The following CNTN4 variants were observed in gnomAD, a reference collection of about 807,000 sequenced individuals.
The protein encoded by CNTN4 is contactin-4.
CNTN4 carries 77 observed loss-of-function variants against 122.5 expected under a neutral mutation model. The observed-to-expected ratio is 0.63, with a 90% CI of 0.52 to 0.76. The LOEUF is 0.76. Ranked by LOEUF, CNTN4 falls within the 30% of genes least tolerant of loss-of-function variation. CNTN4 has a pLI of 0.00. For missense variants in CNTN4, 1,256 were observed against 1,259.1 expected (o/e 1.00, Z 0.04); for synonymous variants, 512 against 447.0 (o/e 1.15, Z -1.83).
chr3:2,863,444 CTTTTTTTTTTT>C (rs5846228), intron 7 of CNTN4, among the ~76,000 whole-genome samples: 2 of 92,368 alleles, frequency 2.2e-5, no homozygotes, highest in Non-Finnish European at 4.1e-5. Context: ...ATGGTTTCTT[CTTTTTTTTTTT>C]TTTTTTTTTC....
chr3:2,694,620 C>T (rs2085921625), intron 4 of CNTN4, among the ~76,000 whole-genome samples: 1 of 152,154 alleles, frequency 6.6e-6, no homozygotes, highest in Admixed American at 6.5e-5. Flanking sequence ...ATCCCAGCTA[C>T]TTAGGAGGCG....
At chr3:3,025,851 C>T (rs1018007104) in intron 14 of CNTN4, among the ~76,000 whole-genome samples, 3 of 152,164 alleles carry the variant, frequency 2.0e-5, no homozygotes, top group Non-Finnish European at 4.4e-5. Flanking sequence ...ATCTCACCTC[C>T]ATGCTCCCTG....
chr3:2,201,717 C>T (rs185159912), intron 2 of CNTN4, among the ~76,000 whole-genome samples: 3 of 152,238 alleles, frequency 2.0e-5, no homozygotes, highest in African/African-American at 7.2e-5. Flanking sequence ...GAGAATCCTT[C>T]AGCTGGCATG....
At chr3:2,102,685 G>A (rs552929834) in intron 2 of CNTN4, among the ~76,000 whole-genome samples, 2 of 152,198 alleles carry the variant, frequency 1.3e-5, no homozygotes, top group Non-Finnish European at 1.5e-5. Flanking sequence ...GATGTTAATT[G>A]CCCAGAACTG....
chr3:2,396,245 A>G (rs1328436931), intron 3 of CNTN4, among the ~76,000 whole-genome samples: 1 of 152,056 alleles, frequency 6.6e-6, no homozygotes, highest in East Asian at 1.9e-4. Flanking sequence ...GGCTTGTCTC[A>G]AACTCCTGGG....
chr3:2,195,380 A>G (rs964679695), intron 2 of CNTN4, among the ~76,000 whole-genome samples: 1 of 152,236 alleles, frequency 6.6e-6, no homozygotes, highest in Admixed American at 6.5e-5. Context: ...GCTTCAATGA[A>G]CACGGGAGTG....
intron 3 of CNTN4, among the ~76,000 whole-genome samples, chr3:2,528,563 C>A (rs149253851): frequency 0.028 from 4,272 of 152,218 alleles, 80 homozygotes; most frequent in South Asian, 0.046. Flanking sequence ...GATTGTACTA[C>A]TTTACTGACC....
intron 3 of CNTN4, among the ~76,000 whole-genome samples, chr3:2,345,785 G>A (rs1268719898): frequency 6.6e-6 from 1 of 152,172 alleles, no homozygotes; most frequent in Non-Finnish European, 1.5e-5. Flanking sequence ...CTAATTTATT[G>A]TGTGACCCTC....
At chr3:2,846,269 G>A (rs1416602668) in intron 7 of CNTN4, among the ~76,000 whole-genome samples, 9 of 152,130 alleles carry the variant, frequency 5.9e-5, no homozygotes, top group South Asian at 2.1e-4. Context: ...AATCATAGGG[G>A]CAGTTACTCT....
In CNTN4 at chr3:2,163,744, A is replaced by C. The variant is rs918337545; in HGVS notation, c.-145+63105A>C. Among the ~76,000 whole-genome samples the C allele has an allele frequency of 3.9e-5, 6 of 152,230 alleles. No homozygotes were observed. In the South Asian group the frequency reaches 1.2e-3, roughly 32 times the overall value. On this transcript the variant is annotated intron_variant, in intron 2 of 24. Transcript: ENST00000418658. Reference sequence around the variant, plus strand: ...AAACAGCCAATAAACATATGAAAAAATGCTTCACATCACTAGTTATCAGGG... The same window carrying C: ...AAACAGCCAATAAACATATGAAAAACTGCTTCACATCACTAGTTATCAGGG...
intron 2 of CNTN4, among the ~76,000 whole-genome samples, chr3:2,150,513 C>T (rs1035194561): frequency 1.8e-4 from 28 of 152,112 alleles, no homozygotes; most frequent in African/African-American, 4.3e-4. Context: ...TCTATTTCTA[C>T]GGGACAAGCT....
chr3:2,368,741 C>T lies in CNTN4; in HGVS notation c.-89+29508C>T, dbSNP rs1328255757. ...ATTAGGAGATCATTATTGCAGTGTT[C>T]AAGTGTATGGTTATGACTACAAAGC... On this transcript the variant is annotated intron_variant, in intron 3 of 24. Transcript: ENST00000418658. Among the ~76,000 whole-genome samples the T allele has an allele frequency of 3.9e-5, 6 of 152,090 alleles. No individual in the cohort carries two copies. In the South Asian group the frequency reaches 1.0e-3, roughly 26 times the overall value.
intron 2 of CNTN4, among the ~76,000 whole-genome samples, chr3:2,232,549 C>T (rs962810398): frequency 6.6e-6 from 1 of 152,076 alleles, no homozygotes; most frequent in African/African-American, 2.4e-5. Flanking sequence ...CAATAACAGG[C>T]TGTCTAAAAA....
chr3:2,504,340 T>C (rs1368828437), intron 3 of CNTN4, among the ~76,000 whole-genome samples: 1 of 152,288 alleles, frequency 6.6e-6, no homozygotes, highest in East Asian at 1.9e-4. Flanking sequence ...CTGGATCATA[T>C]AGCTTTTGTG....
At chr3:2,402,048 A>G (rs1250181096) in intron 3 of CNTN4, among the ~76,000 whole-genome samples, 3 of 152,048 alleles carry the variant, frequency 2.0e-5, no homozygotes, top group Non-Finnish European at 2.9e-5. Context: ...TATGACATGT[A>G]CTCTGCTACA....
intron 14 of CNTN4, among the ~76,000 whole-genome samples, chr3:2,992,243 A>T (rs913961586): frequency 6.6e-6 from 1 of 152,206 alleles, no homozygotes; most frequent in Admixed American, 6.5e-5. Context: ...ACAGGTGCCC[A>T]GGGGGCTCTT....
Position 3,057,890 on chromosome 3 carries a change from A to G in CNTN4, c.*1670A>G, listed in dbSNP as rs1003891214. 1 of 152,602 alleles carries G rather than the reference A, an allele frequency of 6.6e-6. No homozygotes were observed. Among genetic ancestry groups the G allele is most frequent in the Non-Finnish European group, 1.5e-5 (1 of 68,040 alleles). The allele number at this position is 152,602 out of a possible 1,614,324, so 9.5% of individuals were successfully genotyped here. ...AGTTCCCAACCCCAGTGTAAATGATATTTACCAGTGATCTAGCATATGTAA... is the reference window on the plus strand; with the variant it reads ...AGTTCCCAACCCCAGTGTAAATGATGTTTACCAGTGATCTAGCATATGTAA... On this transcript the variant is annotated 3_prime_UTR_variant, in exon 25 of 25. Transcript: ENST00000418658.
intron 8 of CNTN4, among the ~76,000 whole-genome samples, chr3:2,870,643 T>C (rs1364574871): frequency 6.6e-6 from 1 of 152,174 alleles, no homozygotes; most frequent in Non-Finnish European, 1.5e-5. Flanking sequence ...ATCATTTTGA[T>C]GATTGAAGCA....
chr3:2,355,153 T>G (rs1324955813), intron 3 of CNTN4, among the ~76,000 whole-genome samples: 1 of 152,198 alleles, frequency 6.6e-6, no homozygotes, highest in African/African-American at 2.4e-5. Context: ...TCAAGTAGCT[T>G]CAGCATTTCT....
Sources: allele counts gnomAD v4.1 joint callset (sites outside exome capture counted in the v4.1 genomes callset), GRCh38; gene constraint gnomAD v4.1.1; transcripts MANE v1.5; gene names NCBI Gene and HGNC (gene_info 2026-07-23, HGNC 2026-07-21).